The following ABCF3 variants were observed in gnomAD, a reference collection of about 807,000 sequenced individuals.
ABCF3 encodes the protein ATP-binding cassette sub-family F member 3.
ABCF3 carries 62 observed loss-of-function variants against 94.3 expected under a neutral mutation model. That is an observed-to-expected ratio of 0.66 (90% CI 0.54 to 0.81). The LOEUF (loss-of-function observed/expected upper bound fraction) is 0.81, where lower values mean the gene tolerates loss of function less well. Ranked by LOEUF, ABCF3 falls within the 40% of genes least tolerant of loss-of-function variation. The pLI is 0.00. For synonymous variants in ABCF3, 355 were observed against 361.1 expected (o/e 0.98, Z 0.19); for missense variants, 843 against 925.3 (o/e 0.91, Z 1.15).
intron 14 of ABCF3, 41 bp downstream of exon 14, chr3:184,189,972 C>T: frequency 6.2e-7 from 1 of 1,605,118 alleles, no homozygotes; most frequent in Non-Finnish European, 8.5e-7. Flanking sequence ...CTCCTGTTCT[C>T]TTCGTCTCCT....
intron 7 of ABCF3, 130 bp downstream of exon 7, chr3:184,188,537 C>A: frequency 7.9e-7 from 1 of 1,261,014 alleles, no homozygotes; most frequent in Non-Finnish European, 1.1e-6. Flanking sequence ...CACTCTGGGA[C>A]TCAGAAGCCC....
chr3:184,189,769 G>C lies in ABCF3; in HGVS notation c.1314+12G>C. ...GCCAGCACATCCAGGTGTGGGGCCTGGCAGGGCTGGGGGTCCCATCCCAGG... is the reference window on the plus strand; with the variant it reads ...GCCAGCACATCCAGGTGTGGGGCCTCGCAGGGCTGGGGGTCCCATCCCAGG... On this transcript the variant is annotated intron_variant, in intron 13 of 20. Transcript: ENST00000429586. The C allele has an allele frequency of 6.2e-7, 1 of 1,613,940 alleles. No individual in the cohort carries two copies. The highest frequency in any genetic ancestry group is 8.5e-7 in the Non-Finnish European group (1 of 1,179,992).
rs1715620479 is a variant in ABCF3, at chr3:184,186,398, G to A, written c.74-109G>A. 3.8e-6 allele frequency: 6 copies of A among 1,576,886 alleles called. 1 individual carries two copies. The African/African-American group carries it at 6.7e-5, about 18-fold the overall frequency. ...TCTCCTCTGCATGACCTCTTGTCCC[G>A]GGGGCTGGTTGGGTCTGGAGCCTGG... On this transcript the variant is annotated intron_variant, in intron 1 of 20. Transcript: ENST00000429586.
rs1390440513 is a variant in ABCF3, at chr3:184,193,352, T to G, written c.1884-13T>G. 1.2e-6 allele frequency: 2 copies of G among 1,614,026 alleles called. No individual in the cohort carries two copies. Among genetic ancestry groups the G allele is most frequent in the Non-Finnish European group, 1.7e-6 (2 of 1,180,002 alleles). On this transcript the variant is annotated splice_polypyrimidine_tract_variant and intron_variant, in intron 19 of 20. Coordinates refer to ENST00000429586, the MANE Select transcript of ABCF3 (RefSeq NM_018358.3). The surrounding 1 kb of genome is among the most constrained non-coding windows in gnomAD (Gnocchi z 5.2). ...ACCCCTTCACTGCCCACCTTCCTGG[T>G]TCTGCCTTCCAGCCCCAACTTCTAC...
intron 16 of ABCF3, among the ~76,000 whole-genome samples, chr3:184,191,557 T>C (rs1483461422): frequency 6.6e-6 from 1 of 152,156 alleles, no homozygotes; most frequent in Non-Finnish European, 1.5e-5. Flanking sequence ...GGAGAGAGCA[T>C]GGGCTTCAGG....
intron 16 of ABCF3, 51 bp downstream of exon 16, chr3:184,191,306 G>A: frequency 6.2e-7 from 1 of 1,609,550 alleles, no homozygotes. Context: ...CTGTCTAAGT[G>A]TGTGGTGTGG....
chr3:184,190,082 A>G (rs1715920703), intron 14 of ABCF3, 151 bp downstream of exon 14: 12 of 802,890 alleles, frequency 1.5e-5, no homozygotes, highest in African/African-American at 3.4e-5. Flanking sequence ...AGTATTCCAC[A>G]CTGTTCTTGG....
intron 8 of ABCF3, 24 bp downstream of exon 8, chr3:184,188,865 C>T: frequency 6.2e-7 from 1 of 1,614,164 alleles, no homozygotes; most frequent in South Asian, 1.1e-5. Context: ...CCCCTCCCTC[C>T]TTCAGATTTC....
rs182989427 is a variant in ABCF3 at position 184,193,058 on chromosome 3, G to A, written c.1751-44G>A. On this transcript the variant is annotated intron_variant, in intron 18 of 20. Coordinates refer to ENST00000429586, the MANE Select transcript of ABCF3 (RefSeq NM_018358.3). The surrounding 1 kb of genome is among the most constrained non-coding windows in gnomAD (Gnocchi z 5.2). The stretch of plus-strand genomic sequence containing the variant: ...GGTGTGGCTGGAGGGCACAGGGAGG[G>A]TGTTGGGCCAAGAAGCCACCTGATC... 3 of 1,537,180 alleles carry A rather than the reference G, an allele frequency of 2.0e-6. No individual in the cohort carries two copies. In the East Asian group the frequency reaches 6.8e-5, roughly 35 times the overall value.
chr3:184,188,871 A>G lies in ABCF3; in HGVS notation c.917+30A>G, dbSNP rs764290881. The stretch of plus-strand genomic sequence containing the variant: ...TTAAAGCTCCCCCTCCCTCCTTCAG[A>G]TTTCCTTTCCCTTCTGTGGACTGTT... On this transcript the variant is annotated intron_variant, in intron 8 of 20. Transcript: ENST00000429586. The G allele has an allele frequency of 3.1e-6, 5 of 1,613,926 alleles. No homozygotes were observed. The South Asian group carries it at 3.3e-5, about 11-fold the overall frequency.
chr3:184,193,710 TGAG>T lies in ABCF3; in HGVS notation c.*15_*17del, dbSNP rs745481564. The stretch of plus-strand genomic sequence containing the variant: ...AAGGCTTCCTCTAGGGCCACCAGGC[TGAG>T]GACTCGCCCAGGACATGGACTGGTC... On this transcript the variant is annotated 3_prime_UTR_variant, in exon 21 of 21. Transcript: ENST00000429586. The surrounding 1 kb of genome is among the most constrained non-coding windows in gnomAD (Gnocchi z 5.2). 4 of 1,593,552 alleles carry T rather than the reference TGAG, an allele frequency of 2.5e-6. No homozygotes were observed. Among genetic ancestry groups the T allele is most frequent in the African/African-American group, 1.3e-5 (1 of 74,816 alleles).
In ABCF3 at chr3:184,187,794, A is replaced by C. The variant is rs1449060456; in HGVS notation, c.446+33A>C. On this transcript the variant is annotated intron_variant, in intron 5 of 20. Transcript: ENST00000429586. ...GGGGAAGCATGGCTCAGAAGAGAGCAGAGCAGCTTTTGCCTGGACAGAAGG... is the reference window on the plus strand; with the variant it reads ...GGGGAAGCATGGCTCAGAAGAGAGCCGAGCAGCTTTTGCCTGGACAGAAGG... 4 of 1,614,110 alleles carry C rather than the reference A, an allele frequency of 2.5e-6. No individual in the cohort carries two copies. The Admixed American group carries it at 5.0e-5, about 20-fold the overall frequency.
rs956266490 is a variant in ABCF3, at chr3:184,186,574, A to G, written c.141A>G (p.Leu47=). 1.9e-6 allele frequency: 3 copies of G among 1,613,892 alleles called. No homozygotes were observed. In the African/African-American group the frequency reaches 4.0e-5, roughly 22 times the overall value. Residue 47 remains leucine, a synonymous_variant, in exon 2 of 21, where the codon CTA becomes CTG. Transcript: ENST00000429586. ...ACCTGGTGGAAGCTGTAGGGGAACT[A>G]TTGCAAGAGGTGTCCGGGGACAGCA... is the stretch of plus-strand genomic sequence containing the variant. ...VDDLVEAVGE[L]LQEVSGDSKD...
Position 184,187,991 on chromosome 3 carries a change from A to C in ABCF3, c.569+8A>C, listed in dbSNP as rs74440002. The C allele has an allele frequency of 4.3e-3, 6,944 of 1,613,854 alleles. 260 individuals carry two copies. The African/African-American group carries it at 0.082, about 19-fold the overall frequency. On this transcript the variant is annotated splice_region_variant and intron_variant, in intron 6 of 20. Transcript: ENST00000429586. ...TGTGTCTTTTGGCGATAGGTGAGGG[A>C]ATAGTGGTGGCAGGGGTTGGCTTTC... is the stretch of plus-strand genomic sequence containing the variant.
At chr3:184,192,533 A>C in intron 16 of ABCF3, 68 bp from the exon 17 acceptor site, 1 of 1,430,170 alleles carries the variant, frequency 7.0e-7, no homozygotes, top group Non-Finnish European at 9.6e-7. Context: ...TAGTGCCCAC[A>C]TATGAATGAG....
rs758805447 is a variant in ABCF3, at chr3:184,189,899, A to C, written c.1359A>C (p.Gln453His). Residue 453 changes from glutamine to histidine, a missense_variant, in exon 14 of 21, where the codon CAA (glutamine) becomes CAC (histidine). Gln to His is a conservative substitution (Grantham distance 24, BLOSUM62 0). Transcript: ENST00000429586. ...RFRYNANRAS[Q>H]VQSKLKMLEK... The stretch of plus-strand genomic sequence containing the variant: ...GCTACAATGCCAACAGGGCCTCTCA[A>C]GTGCAGAGTAAACTCAAGATGCTGG... The C allele has an allele frequency of 4.3e-6, 7 of 1,614,082 alleles. No homozygotes were observed. The highest frequency in any genetic ancestry group is 1.6e-4 in the Middle Eastern group (1 of 6,084).
intron 14 of ABCF3, chr3:184,190,604 CT>C (rs10706036): frequency 0.82 from 130,240 of 158,932 alleles, 53,573 homozygotes; most frequent in African/African-American, 0.96. Flanking sequence ...CTGTTATTGA[CT>C]TTTTTTTTTT....
intron 7 of ABCF3, 84 bp downstream of exon 7, chr3:184,188,491 T>C (rs1353541507): frequency 1.3e-6 from 2 of 1,515,784 alleles, no homozygotes; most frequent in Non-Finnish European, 1.8e-6. Context: ...ATAATTTGCA[T>C]GTACATCCTA....
rs11924720 is a variant in ABCF3 at position 184,193,089 on chromosome 3, A to C, written c.1751-13A>C. 6.0e-3 allele frequency: 9,155 copies of C among 1,534,810 alleles called. 470 individuals carry two copies. The African/African-American group carries it at 0.11, about 19-fold the overall frequency. On this transcript the variant is annotated splice_polypyrimidine_tract_variant and intron_variant, in intron 18 of 20. Transcript: ENST00000429586. The surrounding 1 kb of genome is among the most constrained non-coding windows in gnomAD (Gnocchi z 5.2). ...GGCCAAGAAGCCACCTGATCTGGGGAGTCCTTTTCCAGGGCGGCCTGAGGA... is the reference window on the plus strand; with the variant it reads ...GGCCAAGAAGCCACCTGATCTGGGGCGTCCTTTTCCAGGGCGGCCTGAGGA...
Sources: gnomAD v4.1 joint callset for allele counts (sites outside exome capture counted in the v4.1 genomes callset) on GRCh38, gnomAD v4.1.1 for gene constraint, Gnocchi (gnomAD v3.1) non-coding constraint, MANE v1.5 for transcripts, NCBI Gene and HGNC (gene_info 2026-07-23, HGNC 2026-07-21) for gene names.